Variants in XKR6 observed in about 807,000 individuals in gnomAD.
XKR6 encodes the protein XK related 6, also known as XK-related protein 6.
In XKR6, 22 loss-of-function variants were observed where a neutral mutation model predicts 56.7. That is an observed-to-expected ratio of 0.39 (90% CI 0.28 to 0.55). XKR6 has a LOEUF of 0.55. Among genes scored for constraint, XKR6 ranks in the 20% least tolerant of loss-of-function variants. The probability of loss-of-function intolerance (pLI) is 0.66; values close to 1 mark genes in which losing one functional copy is unlikely to be tolerated. For synonymous variants in XKR6, 524 were observed against 387.8 expected (o/e 1.35, Z -4.13); for missense variants, 852 against 889.0 (o/e 0.96, Z 0.53).
At chr8:10,952,719 T>A (rs1392234282) in intron 1 of XKR6, among the ~76,000 whole-genome samples, 1 of 152,198 alleles carries the variant, frequency 6.6e-6, no homozygotes, top group Non-Finnish European at 1.5e-5. Flanking sequence ...AGGTGGGGCC[T>A]GGTGGGAGGT....
At chr8:11,197,041 T>C (rs866538235) in intron 1 of XKR6, among the ~76,000 whole-genome samples, 13 of 152,214 alleles carry the variant, frequency 8.5e-5, no homozygotes, top group African/African-American at 2.7e-4. Context: ...AACAGAGCTG[T>C]AGACCGCTCA....
intron 1 of XKR6, among the ~76,000 whole-genome samples, chr8:11,082,378 C>T (rs1196340927): frequency 2.0e-5 from 3 of 152,346 alleles, no homozygotes; most frequent in African/African-American, 7.2e-5. Flanking sequence ...TTGGTTAAGA[C>T]AGCTGGTAAA....
chr8:11,060,032 G>C (rs989076384), intron 1 of XKR6, among the ~76,000 whole-genome samples: 1 of 152,178 alleles, frequency 6.6e-6, no homozygotes, highest in Non-Finnish European at 1.5e-5. Context: ...ATTCATTCCA[G>C]GGAGTAATAA....
At chr8:11,077,798 CTG>C (rs754605654) in intron 1 of XKR6, among the ~76,000 whole-genome samples, 1 of 152,220 alleles carries the variant, frequency 6.6e-6, no homozygotes, top group Non-Finnish European at 1.5e-5. Flanking sequence ...CCGCTCCAAT[CTG>C]TGTCAGCAGA....
chr8:10,935,726 AT>A (rs1197016865), intron 1 of XKR6, among the ~76,000 whole-genome samples: 1 of 147,440 alleles, frequency 6.8e-6, no homozygotes, highest in East Asian at 2.0e-4. Flanking sequence ...GAGATTCTTA[AT>A]CCTGAGTTCT....
intron 1 of XKR6, among the ~76,000 whole-genome samples, chr8:11,148,856 T>C (rs1346261340): frequency 6.6e-6 from 1 of 152,208 alleles, no homozygotes; most frequent in East Asian, 1.9e-4. Flanking sequence ...GAAAGAACTA[T>C]TAATACCACA....
At chr8:10,976,706 C>T (rs1222250626) in intron 1 of XKR6, among the ~76,000 whole-genome samples, 1 of 152,042 alleles carries the variant, frequency 6.6e-6, no homozygotes. Flanking sequence ...TGTCACAAAG[C>T]CATGGAAGTG....
chr8:11,040,618 T>G (rs966079353), intron 1 of XKR6, among the ~76,000 whole-genome samples: 1 of 152,106 alleles, frequency 6.6e-6, no homozygotes, highest in East Asian at 1.9e-4. Flanking sequence ...GAGTCCAAGA[T>G]GAAGGCAGAT....
chr8:11,171,309 T>C (rs577179234), intron 1 of XKR6, among the ~76,000 whole-genome samples: 5 of 152,360 alleles, frequency 3.3e-5, no homozygotes, highest in African/African-American at 1.2e-4. Context: ...GTTCAAAACA[T>C]GCCCAAGGAA....
At chr8:11,155,998 C>G (rs1801502537) in intron 1 of XKR6, among the ~76,000 whole-genome samples, 1 of 152,154 alleles carries the variant, frequency 6.6e-6, no homozygotes, top group Non-Finnish European at 1.5e-5. Flanking sequence ...TTTCAATTAC[C>G]TGCTTTCCTT....
At chr8:10,990,595 G>T (rs1797968246) in intron 1 of XKR6, among the ~76,000 whole-genome samples, 1 of 152,088 alleles carries the variant, frequency 6.6e-6, no homozygotes, top group African/African-American at 2.4e-5. Context: ...TGTTGTTGTT[G>T]TTGCTGTTAT....
At chr8:10,948,942 C>T (rs942571389) in intron 1 of XKR6, among the ~76,000 whole-genome samples, 2 of 152,158 alleles carry the variant, frequency 1.3e-5, no homozygotes, top group Non-Finnish European at 2.9e-5. Context: ...TTCAGGTGAT[C>T]GTCAATTCCC....
chr8:10,916,091 GAGA>G (rs1403289524), intron 2 of XKR6, among the ~76,000 whole-genome samples: 1 of 152,262 alleles, frequency 6.6e-6, no homozygotes, highest in African/African-American at 2.4e-5. Context: ...GTGAGCCATG[GAGA>G]AGGAGGGGCT....
intron 1 of XKR6, among the ~76,000 whole-genome samples, chr8:10,949,601 G>A (rs986297002): frequency 7.9e-5 from 12 of 152,372 alleles, no homozygotes; most frequent in East Asian, 3.9e-4. Flanking sequence ...GGGGTACACC[G>A]TTAGTGCCCT....
intron 1 of XKR6, among the ~76,000 whole-genome samples, chr8:10,937,600 TGTTA>T (rs1398692834): frequency 6.7e-6 from 1 of 149,810 alleles, no homozygotes; most frequent in African/African-American, 2.5e-5. Context: ...CCTTTCTGTT[TGTTA>T]GTTTTCCTTC....
chr8:11,052,922 G>A (rs1399960980), intron 1 of XKR6, among the ~76,000 whole-genome samples: 1 of 152,182 alleles, frequency 6.6e-6, no homozygotes, highest in East Asian at 1.9e-4. Flanking sequence ...TTGGGCACCT[G>A]CACCGCTGAA....
At chr8:10,980,328 G>A (rs1797700151) in intron 1 of XKR6, among the ~76,000 whole-genome samples, 1 of 152,160 alleles carries the variant, frequency 6.6e-6, no homozygotes, top group Non-Finnish European at 1.5e-5. Flanking sequence ...AGACTGAGGA[G>A]GGCTCTGAAT....
At chr8:11,083,448 G>A (rs1797792907) in intron 1 of XKR6, among the ~76,000 whole-genome samples, 1 of 152,160 alleles carries the variant, frequency 6.6e-6, no homozygotes, top group African/African-American at 2.4e-5. Flanking sequence ...GATCGCCCCT[G>A]GGACTTGACA....
intron 2 of XKR6, among the ~76,000 whole-genome samples, chr8:10,918,505 C>A (rs143214952): frequency 6.6e-6 from 1 of 152,226 alleles, no homozygotes; most frequent in Non-Finnish European, 1.5e-5. Flanking sequence ...CACTCCATCC[C>A]GTCAGCAGTG....
Sources: allele counts gnomAD v4.1 joint callset (sites outside exome capture counted in the v4.1 genomes callset), GRCh38; gene constraint gnomAD v4.1.1; transcripts MANE v1.5; gene names NCBI Gene and HGNC (gene_info 2026-07-23, HGNC 2026-07-21).